The following ADGRG6 variants were observed in gnomAD, a reference collection of about 807,000 sequenced individuals.
ADGRG6 encodes G-protein coupled receptor 126.
A neutral mutation model predicts 142.4 loss-of-function variants in ADGRG6; 84 were observed. The ratio of observed to expected loss-of-function variants is 0.59; its 90% CI spans 0.49 to 0.71. ADGRG6 has a LOEUF of 0.71. Ranked by LOEUF, ADGRG6 falls within the 30% of genes least tolerant of loss-of-function variation. The pLI, the probability that ADGRG6 is intolerant of heterozygous loss-of-function variation, is 0.00. For synonymous variants in ADGRG6, 521 were observed against 520.5 expected (o/e 1.00, Z -0.01); for missense variants, 1,367 against 1,466.6 (o/e 0.93, Z 1.11).
intron 21 of ADGRG6, among the ~76,000 whole-genome samples, chr6:142,418,719 A>C (rs1252755498): frequency 6.6e-6 from 1 of 152,176 alleles, no homozygotes; most frequent in East Asian, 1.9e-4. Context: ...AAAGATGTGC[A>C]GGACAGCTTT....
chr6:142,389,397 C>A (rs934052469), intron 6 of ADGRG6, among the ~76,000 whole-genome samples: 2 of 151,784 alleles, frequency 1.3e-5, no homozygotes, highest in Non-Finnish European at 3.0e-5. Context: ...AAAGGAGACT[C>A]AAAAAATTTT....
In ADGRG6 at chr6:142,302,042, C is replaced by A. The variant is rs542728546; in HGVS notation, c.-288C>A. On this transcript the variant is annotated 5_prime_UTR_variant, in exon 1 of 25. Coordinates refer to ENST00000367609, the MANE Select transcript of ADGRG6 (RefSeq NM_198569.3). ...CAGCACCAGCCCCACGCACACCCTA[C>A]TTCCTCAGCTTCTCGCCCTCACCCT... 17 of 519,154 alleles carry A rather than the reference C, an allele frequency of 3.3e-5. No homozygotes were observed. The highest frequency in any genetic ancestry group is 1.4e-5 in the Non-Finnish European group (4 of 296,234). The allele number at this position is 519,154 out of a possible 1,614,324, so 32.2% of individuals were successfully genotyped here. A position where few individuals can be genotyped will look rare whatever the true frequency, so the allele number is the denominator to read the frequency against.
At chr6:142,328,195 A>T (rs1778871173) in intron 2 of ADGRG6, among the ~76,000 whole-genome samples, 1 of 152,082 alleles carries the variant, frequency 6.6e-6, no homozygotes, top group African/African-American at 2.4e-5. Flanking sequence ...TTACATGCTT[A>T]TCCTTTTGTT....
At chr6:142,315,350 C>A (rs540232648) in intron 2 of ADGRG6, among the ~76,000 whole-genome samples, 100 of 150,220 alleles carry the variant, frequency 6.7e-4, no homozygotes, top group African/African-American at 2.1e-3. Context: ...TCATAGTATT[C>A]AGTAAGTAAA....
chr6:142,422,410 TG>T (rs1178689051), intron 22 of ADGRG6, among the ~76,000 whole-genome samples: 3 of 152,052 alleles, frequency 2.0e-5, no homozygotes, highest in African/African-American at 4.8e-5. Flanking sequence ...TGACAATATG[TG>T]GTGTTTGGTT....
At chr6:142,358,693 T>A (rs1406749205) in intron 2 of ADGRG6, among the ~76,000 whole-genome samples, 1 of 149,352 alleles carries the variant, frequency 6.7e-6, no homozygotes, top group African/African-American at 2.5e-5. Context: ...GATCATGAGG[T>A]CAGGAGTTTG....
intron 18 of ADGRG6, among the ~76,000 whole-genome samples, chr6:142,412,270 GTTTTCATAAAGGGACCAAACCACA>G (rs1349140784): frequency 6.6e-6 from 1 of 152,116 alleles, no homozygotes; most frequent in Non-Finnish European, 1.5e-5. Flanking sequence ...TTTCTGTTTG[GTTTTCATAAAGGGACCAAACCACA>G]TTTGTTTTTT....
At chr6:142,362,245 T>C (rs1410555277) in intron 2 of ADGRG6, among the ~76,000 whole-genome samples, 1 of 152,232 alleles carries the variant, frequency 6.6e-6, no homozygotes, top group Non-Finnish European at 1.5e-5. Context: ...TTGAACTGAT[T>C]CAAGTAAGCG....
chr6:142,382,202 A>G (rs529049887), intron 5 of ADGRG6, among the ~76,000 whole-genome samples, 183 bp downstream of exon 5: 1 of 152,316 alleles, frequency 6.6e-6, no homozygotes, highest in South Asian at 2.1e-4. Context: ...GCATGGAGAA[A>G]GAATGCATTC....
chr6:142,418,187 A>G (rs1294676874), intron 21 of ADGRG6, among the ~76,000 whole-genome samples: 2 of 151,192 alleles, frequency 1.3e-5, no homozygotes, highest in East Asian at 3.9e-4. Flanking sequence ...CCCAGCTACT[A>G]CTCGGGAGGC....
At position 142,397,660 on chromosome 6, in the gene ADGRG6, A is replaced by G; in HGVS notation, c.1472A>G (p.Asn491Ser). The change falls in exon 10 of 25, where the codon AAT becomes AGT. Residue 491 changes from asparagine (N) to serine (S), a missense_variant. Asn to Ser is a conservative substitution (Grantham distance 46). Coordinates refer to ENST00000367609, the MANE Select transcript of ADGRG6 (RefSeq NM_198569.3). ...LLVYNATNNT[N>S]LEGKIIQQKL... ...GTTTACAATGCTACCAACAATACTAATTTGGAAGGAAAAATCATTCAGCAG... is the reference window on the plus strand; with the variant it reads ...GTTTACAATGCTACCAACAATACTAGTTTGGAAGGAAAAATCATTCAGCAG... 6.2e-7 allele frequency: 1 copy of G among 1,609,540 alleles called. No homozygotes were observed. The highest frequency in any genetic ancestry group is 8.5e-7 in the Non-Finnish European group (1 of 1,176,910).
At chr6:142,318,209 T>TATA (rs1262380259) in intron 2 of ADGRG6, among the ~76,000 whole-genome samples, 9 of 58,604 alleles carry the variant, frequency 1.5e-4, no homozygotes, top group Admixed American at 3.1e-4. Context: ...ATTATATATA[T>TATA]TTATATATTA....
intron 2 of ADGRG6, among the ~76,000 whole-genome samples, chr6:142,343,524 T>A (rs953999192): frequency 1.3e-4 from 19 of 151,882 alleles, no homozygotes; most frequent in Non-Finnish European, 2.7e-4. Flanking sequence ...AGATAAACAG[T>A]ATTTAGAGAT....
At position 142,370,423 on chromosome 6, in the gene ADGRG6, G is replaced by T; in HGVS notation, c.699G>T (p.Leu233Phe). Residue 233 changes from leucine (L) to phenylalanine (F), a missense_variant, in exon 4 of 25, where the codon TTG becomes TTT. Around this residue, in one of 3 missense-constraint regions of ADGRG6, gnomAD observed 737 missense variants for 746.5 expected, o/e 0.99. Transcript: ENST00000367609. ...FLSISDSKCL[L>F]NNALPVKEKE... Reference sequence around the variant, plus strand: ...CCATTTCTGATTCAAAATGTTTGTTGAATAATGCATTACCTGTCAAAGAAA... The same window carrying T: ...CCATTTCTGATTCAAAATGTTTGTTTAATAATGCATTACCTGTCAAAGAAA... The T allele has an allele frequency of 1.2e-6, 2 of 1,613,722 alleles. No individual in the cohort carries two copies. Among genetic ancestry groups the T allele is most frequent in the South Asian group, 1.1e-5 (1 of 91,060 alleles).
At chr6:142,309,744 C>CT in intron 2 of ADGRG6, 100 bp downstream of exon 2, 1 of 689,320 alleles carries the variant, frequency 1.5e-6, no homozygotes, top group Non-Finnish European at 2.2e-6. Context: ...TTACTTACTG[C>CT]CTTTTTTTTT....
At chr6:142,364,551 A>G (rs1780862080) in intron 2 of ADGRG6, among the ~76,000 whole-genome samples, 1 of 152,230 alleles carries the variant, frequency 6.6e-6, no homozygotes, top group Non-Finnish European at 1.5e-5. Flanking sequence ...ACTATGTCCC[A>G]GGTACAACTT....
intron 6 of ADGRG6, among the ~76,000 whole-genome samples, chr6:142,388,146 C>T (rs1020737223): frequency 6.6e-6 from 1 of 152,138 alleles, no homozygotes; most frequent in Non-Finnish European, 1.5e-5. Flanking sequence ...CTCATCAGCC[C>T]TTCAGTGGGC....
At position 142,438,324 on chromosome 6, in the gene ADGRG6, A is replaced by AT; in HGVS notation, c.3535dup (p.Ser1179PhefsTer11). On this transcript the variant is annotated frameshift_variant, in exon 24 of 25. Coordinates refer to ENST00000367609, the MANE Select transcript of ADGRG6 (RefSeq NM_198569.3). LOFTEE classifies it high-confidence loss of function. ...CAACCTATCTTACATCCAAATCTAA[A>AT]TCCAGCTCTACCACCTATTTCAAAA... 1 of 1,610,448 alleles carries AT rather than the reference A, an allele frequency of 6.2e-7. No homozygotes were observed. Among genetic ancestry groups the AT allele is most frequent in the East Asian group, 2.2e-5 (1 of 44,680 alleles).
chr6:142,384,329 T>A (rs1781922047), intron 6 of ADGRG6, among the ~76,000 whole-genome samples: 1 of 152,178 alleles, frequency 6.6e-6, no homozygotes, highest in Non-Finnish European at 1.5e-5. Flanking sequence ...AATACTTTGC[T>A]TTCTGTTTTT....
Sources: allele counts gnomAD v4.1 joint callset (sites outside exome capture counted in the v4.1 genomes callset), GRCh38; gene constraint gnomAD v4.1.1; regional missense constraint gnomAD v4.1.1; transcripts MANE v1.5; gene names NCBI Gene and HGNC (gene_info 2026-07-23, HGNC 2026-07-21).